LCLAT1: variants seen among roughly 807,000 people sequenced by gnomAD.
The protein encoded by LCLAT1 is lysocardiolipin acyltransferase 1.
A neutral mutation model predicts 30.7 loss-of-function variants in LCLAT1; 11 were observed. The ratio of observed to expected loss-of-function variants is 0.36; its 90% confidence interval spans 0.23 to 0.59. The LOEUF (loss-of-function observed/expected upper bound fraction) is 0.59, where lower values mean the gene tolerates loss of function less well. Ranked by LOEUF, LCLAT1 falls within the 20% of genes least tolerant of loss-of-function variation. The probability of loss-of-function intolerance (pLI) is 0.77; values close to 1 mark genes in which losing one functional copy is unlikely to be tolerated. For synonymous variants in LCLAT1, 155 were observed against 151.3 expected (o/e 1.02, Z -0.18); for missense variants, 402 against 458.6 (o/e 0.88, Z 1.13).
intron 5 of LCLAT1, among the ~76,000 whole-genome samples, chr2:30,612,408 T>C (rs1255980253): frequency 1.3e-5 from 2 of 152,178 alleles, no homozygotes; most frequent in East Asian, 3.9e-4. Flanking sequence ...AAGAGGTCTC[T>C]AGCTTCCTGT....
In LCLAT1 at chr2:30,464,835, G is replaced by A. The variant is rs915115272; in HGVS notation, c.-5+17452G>A. The stretch of plus-strand genomic sequence containing the variant: ...TATCTAATTCCTGACGAAAAGGCTT[G>A]GCCTATTAGGGTTTTTTTGTTTTTG... On this transcript the variant is annotated intron_variant, in intron 1 of 5. Coordinates refer to ENST00000379509, the MANE Select transcript of LCLAT1 (RefSeq NM_001002257.3). Among the ~76,000 whole-genome samples, 9 of 152,162 alleles carry A rather than the reference G, an allele frequency of 5.9e-5. No individual in the cohort carries two copies. The East Asian group carries it at 1.7e-3, about 29-fold the overall frequency.
intron 5 of LCLAT1, among the ~76,000 whole-genome samples, chr2:30,570,680 CCTTT>C (rs1315004784): frequency 2.3e-4 from 35 of 152,124 alleles, no homozygotes; most frequent in Non-Finnish European, 3.2e-4. Flanking sequence ...TCATTAAGCA[CCTTT>C]CTAACACTAG....
chr2:30,502,566 C>G (rs1445199262), intron 1 of LCLAT1, among the ~76,000 whole-genome samples: 1 of 152,110 alleles, frequency 6.6e-6, no homozygotes, highest in Admixed American at 6.5e-5. Context: ...CTGGTCTGCT[C>G]TCTGTCTCTG....
rs552017016 is a variant in LCLAT1 at position 30,571,524 on chromosome 2, C to G, written c.628+3348C>G. Among the ~76,000 whole-genome samples the G allele has an allele frequency of 2.0e-5, 3 of 152,300 alleles. No homozygotes were observed. The East Asian group carries it at 5.8e-4, about 29-fold the overall frequency. ...GCTTACTGCACAACTAGCTAACAGT[C>G]CAGTCTGTCTACTGCCTACAGTGGA... On this transcript the variant is annotated intron_variant, in intron 5 of 5. Transcript: ENST00000379509.
At chr2:30,547,755 T>C (rs75277983) in intron 3 of LCLAT1, among the ~76,000 whole-genome samples, 20,065 of 151,932 alleles carry the variant, frequency 0.13, 3,160 homozygotes, top group African/African-American at 0.38. Context: ...TGAACTAGCG[T>C]TGGGGCCAGA....
At chr2:30,593,076 C>G (rs1276785167) in intron 5 of LCLAT1, among the ~76,000 whole-genome samples, 4 of 152,154 alleles carry the variant, frequency 2.6e-5, no homozygotes, top group African/African-American at 4.8e-5. Context: ...TTCCCCTTCC[C>G]TTGCCAGCCT....
chr2:30,545,524 A>G (rs1168395899), intron 3 of LCLAT1, among the ~76,000 whole-genome samples: 1 of 152,202 alleles, frequency 6.6e-6, no homozygotes, highest in African/African-American at 2.4e-5. Context: ...CAATAGACCT[A>G]TGTAACAGGG....
At chr2:30,501,294 C>T (rs1238897603) in intron 1 of LCLAT1, among the ~76,000 whole-genome samples, 1 of 152,094 alleles carries the variant, frequency 6.6e-6, no homozygotes, top group African/African-American at 2.4e-5. Flanking sequence ...CTAGACCAAA[C>T]CCCCAGTGCT....
intron 5 of LCLAT1, among the ~76,000 whole-genome samples, chr2:30,594,322 T>C (rs1268281019): frequency 1.3e-5 from 2 of 152,178 alleles, no homozygotes; most frequent in Non-Finnish European, 2.9e-5. Flanking sequence ...TTCAAACGTA[T>C]AGCAAAGTTC....
chr2:30,510,662 C>T (rs1375306541), intron 1 of LCLAT1, among the ~76,000 whole-genome samples: 1 of 152,090 alleles, frequency 6.6e-6, no homozygotes, highest in Non-Finnish European at 1.5e-5. Flanking sequence ...TTGCTGATTT[C>T]CCCCTCTCCA....
rs188232382 is a variant in LCLAT1 at position 30,542,798 on chromosome 2, T to G, written c.364+9484T>G. Among the ~76,000 whole-genome samples the G allele has an allele frequency of 7.2e-5, 11 of 152,296 alleles. No individual in the cohort carries two copies. In the East Asian group the frequency reaches 1.7e-3, roughly 24 times the overall value. On this transcript the variant is annotated intron_variant, in intron 3 of 5. Transcript: ENST00000379509. ...AAGTTTTTACTTTCCAATTGTTTGC[T>G]GCCAGTTTATAGAAATGCAGTTGAT... is the stretch of plus-strand genomic sequence containing the variant.
chr2:30,495,638 A>G (rs999009329), intron 1 of LCLAT1, among the ~76,000 whole-genome samples: 17 of 152,120 alleles, frequency 1.1e-4, no homozygotes, highest in African/African-American at 4.1e-4. Context: ...AGAACCACCA[A>G]TGGAGCCTCA....
chr2:30,484,707 A>G (rs13406154), intron 1 of LCLAT1, among the ~76,000 whole-genome samples: 2,916 of 152,270 alleles, frequency 0.019, 91 homozygotes, highest in African/African-American at 0.066. Context: ...GACTAGAACT[A>G]TTATGATCAG....
intron 1 of LCLAT1, among the ~76,000 whole-genome samples, chr2:30,524,371 A>G (rs1355528412): frequency 6.6e-6 from 1 of 152,178 alleles, no homozygotes; most frequent in African/African-American, 2.4e-5. Flanking sequence ...AAGAATTAAT[A>G]TTTCTGGATT....
At chr2:30,543,876 G>A (rs183077208) in intron 3 of LCLAT1, among the ~76,000 whole-genome samples, 43 of 151,850 alleles carry the variant, frequency 2.8e-4, no homozygotes, top group Middle Eastern at 3.4e-3. Context: ...ATCAATCTGT[G>A]TTTTTAGTTT....
At chr2:30,447,937 C>A (rs1440435478) in intron 1 of LCLAT1, among the ~76,000 whole-genome samples, 1 of 152,180 alleles carries the variant, frequency 6.6e-6, no homozygotes, top group Non-Finnish European at 1.5e-5. Context: ...GTGGCAGTGC[C>A]GCGAAAAGAA....
intron 1 of LCLAT1, among the ~76,000 whole-genome samples, chr2:30,498,620 C>T (rs1349484027): frequency 6.6e-6 from 1 of 152,142 alleles, no homozygotes; most frequent in Admixed American, 6.5e-5. Flanking sequence ...GGGTGTCTTA[C>T]TTTATCCTCT....
At chr2:30,632,467 C>G (rs1314493167) in intron 5 of LCLAT1, among the ~76,000 whole-genome samples, 1 of 152,232 alleles carries the variant, frequency 6.6e-6, no homozygotes, top group Non-Finnish European at 1.5e-5. Flanking sequence ...GCTTCTCCCT[C>G]TATGCTATGG....
intron 3 of LCLAT1, among the ~76,000 whole-genome samples, chr2:30,543,958 A>G (rs567430210): frequency 6.6e-6 from 1 of 151,912 alleles, no homozygotes; most frequent in Admixed American, 6.6e-5. Context: ...CTTTTTTTAA[A>G]ATTTTTTAGT....
Sources: allele counts gnomAD v4.1 joint callset (sites outside exome capture counted in the v4.1 genomes callset), GRCh38; gene constraint gnomAD v4.1.1; transcripts MANE v1.5; gene names NCBI Gene and HGNC (gene_info 2026-07-23, HGNC 2026-07-21).